CDH6: variants seen among roughly 807,000 people sequenced by gnomAD.
The protein encoded by CDH6 is cadherin 6, also known as cadherin-6.
Under a neutral mutation model 78.0 loss-of-function variants are expected in CDH6, and 31 were observed. That is an observed-to-expected ratio of 0.40 (90% confidence interval 0.30 to 0.54). CDH6 has a LOEUF of 0.54. Ranked by LOEUF, CDH6 falls within the 20% of genes least tolerant of loss-of-function variation. The pLI is 0.56. For synonymous variants in CDH6, 376 were observed against 368.8 expected (o/e 1.02, Z -0.23); for missense variants, 724 against 975.9 (o/e 0.74, Z 3.44).
intron 1 of CDH6, among the ~76,000 whole-genome samples, chr5:31,248,087 T>C (rs1741805958): frequency 1.3e-5 from 2 of 152,344 alleles, no homozygotes; most frequent in South Asian, 4.1e-4. Flanking sequence ...TTATTAAGTA[T>C]GTGTGTTATA....
intron 1 of CDH6, among the ~76,000 whole-genome samples, chr5:31,252,285 G>T (rs1741930361): frequency 1.3e-5 from 2 of 151,876 alleles, no homozygotes; most frequent in African/African-American, 2.4e-5. Context: ...CAGGATGTCA[G>T]AAATACTTGA....
chr5:31,317,682 C>T lies in CDH6; in HGVS notation c.1640C>T (p.Ala547Val). 2 of 1,607,982 alleles carry T rather than the reference C, an allele frequency of 1.2e-6. No homozygotes were observed. Among genetic ancestry groups the T allele is most frequent in the Admixed American group, 1.7e-5 (1 of 59,908 alleles). ...FTIQDNKDNTAGILTRKNGYN... is the reference protein window; with the variant it reads ...FTIQDNKDNTVGILTRKNGYN... ...TGCTTTCCGGTTCCAGACAACACGG[C>T]GGGAATCTTAACTCGGAAAAATGGC... The change falls in exon 11 of 12, where the codon GCG (alanine) becomes GTG (valine). Residue 547 changes from alanine to valine, a missense_variant. Ala to Val is a moderately conservative substitution (Grantham distance 64). Around this residue, in one of 3 missense-constraint regions of CDH6, gnomAD observed 446 missense variants for 684.5 expected, o/e 0.65. Coordinates refer to ENST00000265071, the MANE Select transcript of CDH6 (RefSeq NM_004932.4).
rs1579874306 is a variant in CDH6, at chr5:31,276,057, G to A, written c.228+8356G>A. Reference sequence around the variant, plus strand: ...CTGTGTGTGTTGGTGTAGGCTGCTGGGCGCAAACTCCCATCTTCCTACAAG... The same window carrying A: ...CTGTGTGTGTTGGTGTAGGCTGCTGAGCGCAAACTCCCATCTTCCTACAAG... On this transcript the variant is annotated intron_variant, in intron 2 of 11. Transcript: ENST00000265071. Among the ~76,000 whole-genome samples, 3 of 152,208 alleles carry A rather than the reference G, an allele frequency of 2.0e-5. No individual in the cohort carries two copies. The South Asian group carries it at 6.2e-4, about 32-fold the overall frequency.
rs773546589 is a variant in CDH6 at position 31,323,487 on chromosome 5, AG to A, written c.*183del. 4.8e-4 allele frequency: 329 copies of A among 680,146 alleles called. No homozygotes were observed. The highest frequency in any genetic ancestry group is 7.2e-4 in the Non-Finnish European group (308 of 426,704). The allele number at this position is 680,146 out of a possible 1,614,324, so 42.1% of individuals were successfully genotyped here. On this transcript the variant is annotated 3_prime_UTR_variant, in exon 12 of 12. Coordinates refer to ENST00000265071, the MANE Select transcript of CDH6 (RefSeq NM_004932.4). ...TCTAGTACACTTTTATGAGCTTCCA[AG>A]GGGCAAATTTTTATTTTTTAGTGCA...
intron 1 of CDH6, among the ~76,000 whole-genome samples, chr5:31,213,926 A>G (rs1189033852): frequency 1.3e-5 from 2 of 152,108 alleles, no homozygotes; most frequent in East Asian, 1.9e-4. Flanking sequence ...ACCAGCTCCC[A>G]AGAAGAATTC....
chr5:31,221,410 C>T (rs1741000966), intron 1 of CDH6, among the ~76,000 whole-genome samples: 2 of 152,206 alleles, frequency 1.3e-5, no homozygotes, highest in Non-Finnish European at 2.9e-5. Context: ...AAAGAATTAA[C>T]ACGCAACAGC....
chr5:31,210,817 T>G (rs1380964922), intron 1 of CDH6, among the ~76,000 whole-genome samples: 5 of 151,978 alleles, frequency 3.3e-5, no homozygotes, highest in Non-Finnish European at 7.4e-5. Context: ...ATTTTTTGGG[T>G]TTTTTTTCCT....
intron 1 of CDH6, among the ~76,000 whole-genome samples, chr5:31,245,652 C>A (rs1741725354): frequency 6.6e-6 from 1 of 152,110 alleles, no homozygotes; most frequent in Non-Finnish European, 1.5e-5. Flanking sequence ...TAATATAAAC[C>A]ATGATTATTC....
intron 2 of CDH6, among the ~76,000 whole-genome samples, chr5:31,292,824 T>TGC (rs1737426139): frequency 7.9e-5 from 2 of 25,288 alleles, no homozygotes; most frequent in Non-Finnish European, 1.2e-4. Context: ...TATGTGTGCA[T>TGC]ATATATATAT....
intron 1 of CDH6, among the ~76,000 whole-genome samples, chr5:31,240,068 T>C (rs1043026237): frequency 2.0e-5 from 3 of 152,190 alleles, no homozygotes; most frequent in Admixed American, 6.5e-5. Context: ...CATTCACTCC[T>C]CCAAGAAATC....
At chr5:31,194,474 T>C (rs1740105446) in intron 1 of CDH6, among the ~76,000 whole-genome samples, 1 of 152,082 alleles carries the variant, frequency 6.6e-6, no homozygotes, top group African/African-American at 2.4e-5. Context: ...AAAGAGACGA[T>C]TTGGCTGGTA....
intron 2 of CDH6, among the ~76,000 whole-genome samples, chr5:31,271,636 A>C (rs1742534680): frequency 6.6e-6 from 1 of 152,154 alleles, no homozygotes; most frequent in South Asian, 2.1e-4. Context: ...GTGTCGGGTA[A>C]GTTTCTGAGT....
intron 11 of CDH6, among the ~76,000 whole-genome samples, chr5:31,319,618 C>T (rs1344577478): frequency 1.3e-5 from 2 of 152,204 alleles, no homozygotes; most frequent in Non-Finnish European, 2.9e-5. Context: ...CTGCACTCTA[C>T]TTTCTTTTCA....
intron 1 of CDH6, among the ~76,000 whole-genome samples, chr5:31,199,202 G>A (rs896505652): frequency 2.0e-5 from 3 of 150,324 alleles, no homozygotes; most frequent in African/African-American, 7.3e-5. Flanking sequence ...CTCTTTACAT[G>A]GTAAATATAT....
chr5:31,314,650 T>C (rs1738255394), intron 8 of CDH6, among the ~76,000 whole-genome samples: 1 of 152,086 alleles, frequency 6.6e-6, no homozygotes, highest in South Asian at 2.1e-4. Context: ...ATCTTGAAGT[T>C]CATGTTAATT....
At chr5:31,228,847 C>T (rs1741237022) in intron 1 of CDH6, among the ~76,000 whole-genome samples, 1 of 152,242 alleles carries the variant, frequency 6.6e-6, no homozygotes. Context: ...CAGACTGGTA[C>T]TGGTCCATGG....
At chr5:31,312,280 A>G (rs936461887) in intron 7 of CDH6, among the ~76,000 whole-genome samples, 1 of 152,138 alleles carries the variant, frequency 6.6e-6, no homozygotes, top group African/African-American at 2.4e-5. Context: ...GAACTTACCC[A>G]TCTTCCCCGA....
chr5:31,241,211 C>T (rs1341153873), intron 1 of CDH6, among the ~76,000 whole-genome samples: 4 of 152,208 alleles, frequency 2.6e-5, no homozygotes, highest in African/African-American at 9.6e-5. Context: ...CTCTGTGTGG[C>T]TGGCATTCAA....
Position 31,267,568 on chromosome 5 carries a change from C to T in CDH6, c.95C>T (p.Pro32Leu), listed in dbSNP as rs749715359. Residue 32 changes from proline to leucine, a missense_variant, in exon 2 of 12, where the codon CCA (proline) becomes CTA (leucine). Pro to Leu is a moderately conservative substitution (Grantham distance 98). Around this residue, in one of 3 missense-constraint regions of CDH6, gnomAD observed 58 missense variants for 50.8 expected, o/e 1.14. Coordinates refer to ENST00000265071, the MANE Select transcript of CDH6 (RefSeq NM_004932.4). ...CTATCAAAGAGGACTAGTGGTTTCC[C>T]AGCAAAGAAAAGGGCCCTGGAGCTC... is the stretch of plus-strand genomic sequence containing the variant. Reference protein sequence around the residue: ...TPLSKRTSGFPAKKRALELSG... With the variant: ...TPLSKRTSGFLAKKRALELSG... 1 of 1,614,052 alleles carries T rather than the reference C, an allele frequency of 6.2e-7. No individual in the cohort carries two copies. The highest frequency in any genetic ancestry group is 8.5e-7 in the Non-Finnish European group (1 of 1,179,998).
Sources: gnomAD v4.1 joint callset for allele counts (sites outside exome capture counted in the v4.1 genomes callset) on GRCh38, gnomAD v4.1.1 for gene constraint, gnomAD v4.1.1 regional missense constraint, MANE v1.5 for transcripts, NCBI Gene and HGNC (gene_info 2026-07-23, HGNC 2026-07-21) for gene names.